Variants in SLC22A24 observed in about 807,000 individuals in gnomAD.
The protein encoded by SLC22A24 is solute carrier family 22 member 24, also known as steroid transmembrane transporter SLC22A24.
In SLC22A24, 53 loss-of-function variants were observed where a neutral mutation model predicts 49.8. The ratio of observed to expected loss-of-function variants is 1.06; its 90% confidence interval spans 0.85 to 1.34. SLC22A24 has a LOEUF of 1.34. Ranked by LOEUF, SLC22A24 falls within the 40% of genes most tolerant of loss-of-function variation. SLC22A24 has a pLI of 0.00. For synonymous variants in SLC22A24, 302 were observed against 256.4 expected (o/e 1.18, Z -1.70); for missense variants, 786 against 675.9 (o/e 1.16, Z -1.81).
At chr11:63,090,571 C>T (rs925874873) in intron 6 of SLC22A24, among the ~76,000 whole-genome samples, 1 of 151,584 alleles carries the variant, frequency 6.6e-6, no homozygotes, top group Non-Finnish European at 1.5e-5. Flanking sequence ...CACACAACTA[C>T]GTGGAAATTG....
chr11:63,105,079 C>T (rs949763487), intron 4 of SLC22A24, among the ~76,000 whole-genome samples: 1 of 152,248 alleles, frequency 6.6e-6, no homozygotes, highest in African/African-American at 2.4e-5. Flanking sequence ...AATATTAAAG[C>T]TCCAAATGAT....
At chr11:63,119,129 C>G (rs1348672296) in intron 3 of SLC22A24, 49 bp from the exon 4 acceptor site, 2 of 1,526,068 alleles carry the variant, frequency 1.3e-6, no homozygotes, top group African/African-American at 1.4e-5. Context: ...ATGGTAATTT[C>G]AAGGTCAATT....
At chr11:63,104,524 C>T (rs571240183) in intron 4 of SLC22A24, among the ~76,000 whole-genome samples, 1 of 152,156 alleles carries the variant, frequency 6.6e-6, no homozygotes, top group South Asian at 2.1e-4. Flanking sequence ...GTGTGTTAGT[C>T]CATTTTCACA....
At position 63,119,070 on chromosome 11, in the gene SLC22A24, C is replaced by T; in HGVS notation, c.672G>A (p.Trp224Ter). 2.6e-6 allele frequency: 4 copies of T among 1,546,840 alleles called. No homozygotes were observed. In the South Asian group the frequency reaches 4.8e-5, roughly 18 times the overall value. ...TCATAGATCGTGACCGGGGCAATGT[C>T]CACTCTAAGCCTGGAAGAAAACATA... ...LGNTFILSLEWTLPRSRSMTI... is the reference protein window; with the variant it reads ...LGNTFILSLE The change falls in exon 4 of 10, where the codon TGG becomes TGA. Residue 224 changes from tryptophan to a stop codon, truncating the protein, a stop_gained. Coordinates refer to ENST00000612278, the MANE Select transcript of SLC22A24 (RefSeq NM_001136506.2). LOFTEE classifies it high-confidence loss of function.
intron 6 of SLC22A24, among the ~76,000 whole-genome samples, chr11:63,094,428 C>T (rs2087040076): frequency 6.6e-6 from 1 of 151,952 alleles, no homozygotes; most frequent in South Asian, 2.1e-4. Context: ...GTGAATAGTG[C>T]CACAATAAAC....
At chr11:63,141,308 C>T (rs2087414281) in intron 1 of SLC22A24, among the ~76,000 whole-genome samples, 1 of 152,054 alleles carries the variant, frequency 6.6e-6, no homozygotes, top group Non-Finnish European at 1.5e-5. Flanking sequence ...TTGTTTTCTC[C>T]TTTGGGTAAA....
chr11:63,091,811 G>A (rs993270281), intron 6 of SLC22A24, among the ~76,000 whole-genome samples: 1 of 151,312 alleles, frequency 6.6e-6, no homozygotes, highest in Non-Finnish European at 1.5e-5. Flanking sequence ...ATTCTAAATG[G>A]CAAAAACTGG....
Position 63,143,700 on chromosome 11 carries a change from G to T in SLC22A24, c.80C>A (p.Thr27Asn), listed in dbSNP as rs780770298. ...QICLIAFFCITNILLFPNIVL... is the reference protein window; with the variant it reads ...QICLIAFFCINNILLFPNIVL... Reference sequence around the variant, plus strand: ...AATATTAGGGAACAGTAGGATGTTGGTGATGCAAAAGAAAGCTATCAGACA... The same window carrying T: ...AATATTAGGGAACAGTAGGATGTTGTTGATGCAAAAGAAAGCTATCAGACA... The change falls in exon 1 of 10, where the codon ACC becomes AAC. Residue 27 changes from threonine (T) to asparagine (N), a missense_variant. Thr to Asn is a moderately conservative substitution (Grantham distance 65). Transcript: ENST00000612278. 1 of 1,563,322 alleles carries T rather than the reference G, an allele frequency of 6.4e-7. No individual in the cohort carries two copies. The highest frequency in any genetic ancestry group is 1.2e-5 in the South Asian group (1 of 82,096).
chr11:63,120,439 A>G (rs1230435942), intron 2 of SLC22A24, among the ~76,000 whole-genome samples: 2 of 151,930 alleles, frequency 1.3e-5, no homozygotes, highest in African/African-American at 4.8e-5. Flanking sequence ...TGTACCCTAA[A>G]ACTTAAAATA....
intron 4 of SLC22A24, among the ~76,000 whole-genome samples, chr11:63,113,117 T>TATATATACATATATATATACAC (rs2087183263): frequency 9.8e-5 from 1 of 10,246 alleles, no homozygotes; most frequent in African/African-American, 2.9e-4. Context: ...TATATACACA[T>TATATATACATATATATATACAC]ATATATATAC....
At position 63,135,067 on chromosome 11, in the gene SLC22A24, G is replaced by A. The variant is rs182821911; in HGVS notation, c.403-299C>T. The stretch of plus-strand genomic sequence containing the variant: ...TCTCGGACCACTAAGTTCCTTTAAT[G>A]CATTACCTTATACACATTTTTTGGG... On this transcript the variant is annotated intron_variant, in intron 1 of 9. Coordinates refer to ENST00000612278, the MANE Select transcript of SLC22A24 (RefSeq NM_001136506.2). 2.5e-3 allele frequency among the ~76,000 whole-genome samples: 383 copies of A among 152,030 alleles called. 1 individual carries two copies. The highest frequency in any genetic ancestry group is 3.4e-3 in the Non-Finnish European group (229 of 67,990).
rs1421751619 is a variant in SLC22A24, at chr11:63,079,982, G to A, written c.1617C>T (p.Asn539=). The A allele has an allele frequency of 3.1e-5, 48 of 1,539,044 alleles. 1 individual carries two copies. The highest frequency in any genetic ancestry group is 3.6e-5 in the South Asian group (3 of 83,762). Residue 539 remains asparagine, a synonymous_variant, in exon 10 of 10, where the codon AAC becomes AAT. Coordinates refer to ENST00000612278, the MANE Select transcript of SLC22A24 (RefSeq NM_001136506.2). ...TCATGCAAGTATCTTCCTGCTTTAT[G>A]TTTCTTGAATCTTTTCTGCTGAGAA... ...DVENDRKDSR[N]IKQEDTCMKV...
At chr11:63,095,304 A>C (rs1053092421) in intron 6 of SLC22A24, among the ~76,000 whole-genome samples, 2 of 152,162 alleles carry the variant, frequency 1.3e-5, no homozygotes, top group African/African-American at 2.4e-5. Flanking sequence ...ATAATAGCCC[A>C]CAAGTGGAAA....
At chr11:63,081,783 C>A in intron 7 of SLC22A24, 117 bp from the exon 8 acceptor site, 1 of 692,800 alleles carries the variant, frequency 1.4e-6, no homozygotes, top group South Asian at 1.7e-5. Context: ...GGTAGACAAA[C>A]TGCAACATGC....
intron 2 of SLC22A24, among the ~76,000 whole-genome samples, chr11:63,133,627 C>T (rs772307749): frequency 5.9e-5 from 9 of 151,768 alleles, no homozygotes; most frequent in African/African-American, 9.7e-5. Context: ...CAAAGTCATC[C>T]TAGGTTCTTT....
chr11:63,118,164 G>A (rs117981872), intron 4 of SLC22A24, among the ~76,000 whole-genome samples: 1,553 of 152,142 alleles, frequency 0.01, 14 homozygotes, highest in Middle Eastern at 0.031. Flanking sequence ...TTGTGAATGA[G>A]GTTTTGAAAT....
intron 4 of SLC22A24, among the ~76,000 whole-genome samples, chr11:63,111,344 C>G (rs1397656143): frequency 6.6e-6 from 1 of 152,016 alleles, no homozygotes; most frequent in Non-Finnish European, 1.5e-5. Context: ...GCTTTGGTAT[C>G]AGGATGATGC....
chr11:63,119,408 G>T lies in SLC22A24; in HGVS notation c.507-73C>A. The T allele has an allele frequency of 3.7e-6, 5 of 1,340,918 alleles. No individual in the cohort carries two copies. In the South Asian group the frequency reaches 7.6e-5, roughly 20 times the overall value. 83.1% of individuals were successfully genotyped at this position (1,340,918 alleles called of 1,614,324 possible). A position where few individuals can be genotyped will look rare whatever the true frequency, so the allele number is the denominator to read the frequency against. ...CGTGGAAAACTTGACAAACAATGGC[G>T]CATCTTGAAATTAGGATAAATGTTT... On this transcript the variant is annotated intron_variant, in intron 2 of 9. Coordinates refer to ENST00000612278, the MANE Select transcript of SLC22A24 (RefSeq NM_001136506.2).
In SLC22A24 at chr11:63,084,368, A is replaced by G. The variant is rs1449662763; in HGVS notation, c.1071-911T>C. ...TGCTCGCAGGTTGTATAGGCTCTGA[A>G]AGAGAGAGCTTGTATGGAATCATTT... On this transcript the variant is annotated intron_variant, in intron 6 of 9. Transcript: ENST00000612278. Among the ~76,000 whole-genome samples, 3 of 152,214 alleles carry G rather than the reference A, an allele frequency of 2.0e-5. No homozygotes were observed. In the East Asian group the frequency reaches 5.8e-4, roughly 29 times the overall value.
Sources: gnomAD v4.1 joint callset for allele counts (sites outside exome capture counted in the v4.1 genomes callset) on GRCh38, gnomAD v4.1.1 for gene constraint, MANE v1.5 for transcripts, NCBI Gene and HGNC (gene_info 2026-07-23, HGNC 2026-07-21) for gene names.